EXOC6: variants seen among roughly 807,000 people sequenced by gnomAD.
EXOC6 encodes the protein exocyst complex component 6, also known as SEC15-like 1.
EXOC6 carries 60 observed loss-of-function variants against 112.5 expected under a neutral mutation model. The ratio of observed to expected loss-of-function variants is 0.53; its 90% CI spans 0.43 to 0.66. The LOEUF (loss-of-function observed/expected upper bound fraction) is 0.66. Among genes scored for constraint, EXOC6 ranks in the 30% least tolerant of loss-of-function variants. The pLI is 0.00. For missense variants in EXOC6, 855 were observed against 957.1 expected (o/e 0.89, Z 1.41); for synonymous variants, 295 against 308.0 (o/e 0.96, Z 0.44).
chr10:92,952,787 T>C (rs1488144246), intron 15 of EXOC6, among the ~76,000 whole-genome samples: 2 of 152,230 alleles, frequency 1.3e-5, no homozygotes. Flanking sequence ...TTTTGTTCTT[T>C]TTTATGGCTG....
intron 4 of EXOC6, among the ~76,000 whole-genome samples, chr10:92,898,341 A>G (rs1849944397): frequency 1.3e-5 from 2 of 151,454 alleles, no homozygotes; most frequent in East Asian, 3.9e-4. Flanking sequence ...GAGGTGAGAG[A>G]ATTACTTGAG....
intron 8 of EXOC6, among the ~76,000 whole-genome samples, chr10:92,921,285 C>G (rs1192283401): frequency 8.2e-6 from 1 of 122,150 alleles, no homozygotes; most frequent in South Asian, 2.5e-4. Flanking sequence ...GCTCTTGTTG[C>G]CCAGGATGGA....
At chr10:92,859,428 C>T (rs1292885277) in intron 1 of EXOC6, among the ~76,000 whole-genome samples, 1 of 152,212 alleles carries the variant, frequency 6.6e-6, no homozygotes, top group Non-Finnish European at 1.5e-5. Context: ...TCGTTGGCAT[C>T]ACATTCGGCT....
chr10:92,999,705 T>C (rs927476201), intron 19 of EXOC6, among the ~76,000 whole-genome samples: 1 of 109,448 alleles, frequency 9.1e-6, no homozygotes, highest in Non-Finnish European at 1.7e-5. Context: ...TTATTGTGCC[T>C]AATTTTTTTT....
At chr10:92,922,921 T>C (rs61862285) in intron 8 of EXOC6, among the ~76,000 whole-genome samples, 1,716 of 152,266 alleles carry the variant, frequency 0.011, 19 homozygotes, top group Non-Finnish European at 0.017. Context: ...CTAGAAACTT[T>C]AGGGAAATAA....
At chr10:92,922,941 C>T (rs1230123024) in intron 8 of EXOC6, among the ~76,000 whole-genome samples, 2 of 152,144 alleles carry the variant, frequency 1.3e-5, no homozygotes, top group Admixed American at 1.3e-4. Context: ...AATTTTAGGT[C>T]CAGGCTTTCT....
chr10:92,844,848 ACTCC>A (rs1846992166), upstream of EXOC6, among the ~76,000 whole-genome samples: 1 of 152,014 alleles, frequency 6.6e-6, no homozygotes, highest in Admixed American at 6.6e-5. Flanking sequence ...AAGTTAAGTA[ACTCC>A]CTGAGGCCTG....
At chr10:92,969,757 G>A (rs1355772821) in intron 17 of EXOC6, among the ~76,000 whole-genome samples, 3 of 151,894 alleles carry the variant, frequency 2.0e-5, no homozygotes, top group African/African-American at 7.3e-5. Flanking sequence ...GCAGTGGCGC[G>A]ATCTCAGCTC....
chr10:92,981,488 T>TATCA (rs1842822917), intron 18 of EXOC6, among the ~76,000 whole-genome samples: 1 of 152,246 alleles, frequency 6.6e-6, no homozygotes, highest in South Asian at 2.1e-4. Flanking sequence ...CACATGTGTT[T>TATCA]ATCACTAAAG....
chr10:92,848,552 A>C lies in EXOC6; in HGVS notation c.19A>C (p.Ser7Arg), dbSNP rs779861174. MAENSE[S>R]LGTVPEHERI... ...AGCCAAAATGGCGGAGAACAGCGAG[A>C]GTCTGGGCACCGTCCCCGAGCACGA... Residue 7 changes from serine (S) to arginine (R), a missense_variant, in exon 1 of 22, where the codon AGT becomes CGT. Ser to Arg is a moderately radical substitution (Grantham distance 110). Transcript: ENST00000260762. The C allele has an allele frequency of 7.7e-6, 11 of 1,421,550 alleles. No homozygotes were observed. The highest frequency in any genetic ancestry group is 6.0e-5 in the African/African-American group (4 of 66,400). 88.1% of individuals were successfully genotyped at this position (1,421,550 alleles called of 1,614,324 possible).
intron 20 of EXOC6, among the ~76,000 whole-genome samples, chr10:93,050,042 A>T (rs835278): frequency 0.51 from 76,838 of 150,362 alleles, 21,146 homozygotes; most frequent in East Asian, 0.79. Context: ...CAAAGCTGTT[A>T]AAAAAAAAAA....
intron 19 of EXOC6, among the ~76,000 whole-genome samples, chr10:93,009,704 C>T (rs920539520): frequency 6.6e-6 from 1 of 152,178 alleles, no homozygotes; most frequent in Non-Finnish European, 1.5e-5. Flanking sequence ...ATGCTGTAGG[C>T]AGAGGGATCA....
At chr10:92,862,977 C>T (rs1479010802) in intron 1 of EXOC6, among the ~76,000 whole-genome samples, 1 of 152,192 alleles carries the variant, frequency 6.6e-6, no homozygotes, top group Non-Finnish European at 1.5e-5. Flanking sequence ...GCACAAGTCT[C>T]TGAAACTGCC....
intron 4 of EXOC6, among the ~76,000 whole-genome samples, chr10:92,896,220 C>T (rs1203946471): frequency 4.3e-5 from 3 of 69,112 alleles, no homozygotes; most frequent in African/African-American, 1.1e-4. Context: ...TTTTTTTTGG[C>T]GGAGTCTCAC....
At chr10:92,873,978 G>C (rs1460777719) in intron 1 of EXOC6, among the ~76,000 whole-genome samples, 2 of 151,758 alleles carry the variant, frequency 1.3e-5, no homozygotes, top group East Asian at 3.9e-4. Flanking sequence ...GCTTGAACCG[G>C]GGAGGCAGAG....
chr10:93,000,300 A>G (rs976259975), intron 19 of EXOC6, among the ~76,000 whole-genome samples: 3 of 152,128 alleles, frequency 2.0e-5, no homozygotes, highest in Admixed American at 6.5e-5. Context: ...TCTTCTCCCT[A>G]TTCTCTTACC....
chr10:92,882,972 C>T (rs537471625), intron 1 of EXOC6, among the ~76,000 whole-genome samples: 5 of 152,208 alleles, frequency 3.3e-5, no homozygotes, highest in East Asian at 3.9e-4. Flanking sequence ...AGGATCCATA[C>T]GAGAGGCACA....
chr10:92,848,126 T>A (rs1847123751), upstream of EXOC6, among the ~76,000 whole-genome samples: 1 of 152,160 alleles, frequency 6.6e-6, no homozygotes, highest in Non-Finnish European at 1.5e-5. Context: ...AATGTCCCCG[T>A]GGCTCTTATT....
chr10:92,872,094 T>C (rs1848478803), intron 1 of EXOC6, among the ~76,000 whole-genome samples: 1 of 152,084 alleles, frequency 6.6e-6, no homozygotes, highest in Non-Finnish European at 1.5e-5. Context: ...TTTCCTAGCT[T>C]TTTGCATTTT....
Sources: allele counts gnomAD v4.1 joint callset (sites outside exome capture counted in the v4.1 genomes callset), GRCh38; gene constraint gnomAD v4.1.1; transcripts MANE v1.5; gene names NCBI Gene and HGNC (gene_info 2026-07-23, HGNC 2026-07-21).